Variants in PTPRM observed in about 807,000 individuals in gnomAD.
PTPRM encodes protein tyrosine phosphatase receptor type M.
A neutral mutation model predicts 186.7 loss-of-function variants in PTPRM; 47 were observed. That is an observed-to-expected ratio of 0.25 (90% CI 0.20 to 0.32). The LOEUF (loss-of-function observed/expected upper bound fraction) is 0.32, where lower values mean the gene tolerates loss of function less well. Ranked by LOEUF, PTPRM falls within the 10% of genes least tolerant of loss-of-function variation. The pLI is 1.00. For synonymous variants in PTPRM, 668 were observed against 674.9 expected (o/e 0.99, Z 0.16); for missense variants, 1,494 against 1,865.0 (o/e 0.80, Z 3.66).
chr18:7,940,045 G>A (rs1599631205), intron 5 of PTPRM, among the ~76,000 whole-genome samples: 1 of 152,138 alleles, frequency 6.6e-6, no homozygotes, highest in Non-Finnish European at 1.5e-5. Context: ...GACGGTAGGG[G>A]CAGACTCTCA....
chr18:8,293,024 G>A (rs2095058012), intron 19 of PTPRM, among the ~76,000 whole-genome samples: 2 of 152,178 alleles, frequency 1.3e-5, no homozygotes. Context: ...TTCATCTCAT[G>A]TCCCTCAGCT....
intron 7 of PTPRM, among the ~76,000 whole-genome samples, chr18:7,989,981 G>A (rs1310436296): frequency 6.6e-6 from 1 of 152,148 alleles, no homozygotes; most frequent in African/African-American, 2.4e-5. Flanking sequence ...TCGGCTCACT[G>A]TAACCTCCGC....
At chr18:7,594,475 G>A (rs775867205) in intron 1 of PTPRM, among the ~76,000 whole-genome samples, 8 of 151,534 alleles carry the variant, frequency 5.3e-5, no homozygotes, top group Non-Finnish European at 1.2e-4. Context: ...ACGAGACTCT[G>A]TCTCAAAAAC....
At chr18:7,884,953 G>GAAAAAAAAAAAAC (rs2048708561) in intron 2 of PTPRM, among the ~76,000 whole-genome samples, 1 of 110,472 alleles carries the variant, frequency 9.1e-6, no homozygotes, top group Non-Finnish European at 2.0e-5. Context: ...AAAAAAAAAG[G>GAAAAAAAAAAAAC]AGAGAGAGAA....
At position 7,834,585 on chromosome 18, in the gene PTPRM, A is replaced by G. The variant is rs114795996; in HGVS notation, c.197-53521A>G. On this transcript the variant is annotated intron_variant, in intron 2 of 32. Coordinates refer to ENST00000580170, the MANE Select transcript of PTPRM (RefSeq NM_001105244.2). The stretch of plus-strand genomic sequence containing the variant: ...CCCTGTTACCAAAACCAGTTCAAAG[A>G]TGTCTGGTTTTGATATCACAGTCAT... Among the ~76,000 whole-genome samples, 507 of 147,450 alleles carry G rather than the reference A, an allele frequency of 3.4e-3. 2 individuals are homozygous for G. Among genetic ancestry groups the G allele is most frequent in the African/African-American group, 0.012 (479 of 40,020 alleles).
chr18:8,255,884 C>T (rs1204543545), intron 19 of PTPRM, among the ~76,000 whole-genome samples: 1 of 152,084 alleles, frequency 6.6e-6, no homozygotes. Context: ...GAGAAGGGGA[C>T]GCCCCCTAAG....
intron 7 of PTPRM, among the ~76,000 whole-genome samples, chr18:8,044,183 C>T (rs2086870143): frequency 6.6e-6 from 1 of 152,166 alleles, no homozygotes; most frequent in Non-Finnish European, 1.5e-5. Context: ...AACAAGAGAG[C>T]TCATTGGGGC....
At chr18:7,787,099 A>G (rs558423974) in intron 2 of PTPRM, among the ~76,000 whole-genome samples, 38 of 152,350 alleles carry the variant, frequency 2.5e-4, no homozygotes, top group African/African-American at 8.9e-4. Flanking sequence ...CACTTGATAC[A>G]ATAGCATTAT....
intron 14 of PTPRM, among the ~76,000 whole-genome samples, chr18:8,211,005 C>T (rs1020103879): frequency 3.3e-5 from 5 of 152,170 alleles, no homozygotes; most frequent in Non-Finnish European, 7.4e-5. Flanking sequence ...TAAAAAGTGA[C>T]CATTGGATTT....
intron 1 of PTPRM, among the ~76,000 whole-genome samples, chr18:7,631,087 A>G (rs1383291259): frequency 6.6e-6 from 1 of 152,194 alleles, no homozygotes; most frequent in African/African-American, 2.4e-5. Context: ...TTTCTGTTCT[A>G]CACTTCTGTG....
intron 23 of PTPRM, among the ~76,000 whole-genome samples, chr18:8,345,987 T>C (rs2095502782): frequency 2.0e-5 from 3 of 151,746 alleles, no homozygotes; most frequent in Non-Finnish European, 4.4e-5. Context: ...AGGGGGGAGG[T>C]ACTATGGGGC....
At chr18:7,906,189 A>G (rs1401181224) in intron 3 of PTPRM, among the ~76,000 whole-genome samples, 3 of 151,936 alleles carry the variant, frequency 2.0e-5, no homozygotes, top group Admixed American at 2.0e-4. Flanking sequence ...CCAACTCACT[A>G]TCCTGTGAGC....
intron 2 of PTPRM, among the ~76,000 whole-genome samples, chr18:7,855,177 A>T (rs969863798): frequency 3.3e-5 from 5 of 152,072 alleles, no homozygotes; most frequent in African/African-American, 1.2e-4. Context: ...CTGTGTACCT[A>T]CACTCTTACA....
rs111271974 is a variant in PTPRM, at chr18:8,238,344, T to C, written c.2301-5714T>C. Among the ~76,000 whole-genome samples, 655 of 152,256 alleles carry C rather than the reference T, an allele frequency of 4.3e-3. 3 individuals are homozygous for C. Among genetic ancestry groups the C allele is most frequent in the African/African-American group, 0.015 (616 of 41,538 alleles). On this transcript the variant is annotated intron_variant, in intron 14 of 32. Coordinates refer to ENST00000580170, the MANE Select transcript of PTPRM (RefSeq NM_001105244.2). ...TCAGTTTTGGAGGTTTTTACTGAGA[T>C]AATCTTCAAGCTCAGAGATTCTTTT...
At chr18:8,280,903 T>C (rs183598598) in intron 19 of PTPRM, among the ~76,000 whole-genome samples, 1 of 152,330 alleles carries the variant, frequency 6.6e-6, no homozygotes, top group East Asian at 1.9e-4. Flanking sequence ...CAACACGGTC[T>C]AATTGTGCCA....
At chr18:7,887,147 C>T (rs748096621) in intron 2 of PTPRM, among the ~76,000 whole-genome samples, 3 of 152,046 alleles carry the variant, frequency 2.0e-5, no homozygotes, top group Non-Finnish European at 2.9e-5. Context: ...AGAATTTCAA[C>T]GCATTTTTTC....
Position 7,835,806 on chromosome 18 carries a change from T to A in PTPRM, c.197-52300T>A, listed in dbSNP as rs374357518. Among the ~76,000 whole-genome samples, 35 of 152,278 alleles carry A rather than the reference T, an allele frequency of 2.3e-4. No homozygotes were observed. The East Asian group carries it at 3.1e-3, about 13-fold the overall frequency. ...ATAGCCTCTTGCTAAATTGACCCGT[T>A]TATCATTATATAGTGACCTTCTTTG... On this transcript the variant is annotated intron_variant, in intron 2 of 32. Transcript: ENST00000580170.
chr18:8,070,793 A>G (rs2089426630), intron 8 of PTPRM, among the ~76,000 whole-genome samples: 1 of 152,236 alleles, frequency 6.6e-6, no homozygotes, highest in Middle Eastern at 3.2e-3. Context: ...CGGCATCAAA[A>G]TGAATGACAA....
intron 11 of PTPRM, among the ~76,000 whole-genome samples, chr18:8,101,095 T>G (rs954733998): frequency 1.3e-5 from 2 of 152,226 alleles, no homozygotes; most frequent in African/African-American, 4.8e-5. Context: ...AAGGCATTGT[T>G]GGTAGGACTG....
Sources: allele counts gnomAD v4.1 joint callset (sites outside exome capture counted in the v4.1 genomes callset), GRCh38; gene constraint gnomAD v4.1.1; transcripts MANE v1.5; gene names NCBI Gene and HGNC (gene_info 2026-07-23, HGNC 2026-07-21).